Variants in CCSER1 observed in about 807,000 individuals in gnomAD.
CCSER1 encodes coiled-coil serine rich protein 1, also known as serine-rich coiled-coil domain-containing protein 1.
Under a neutral mutation model 82.0 loss-of-function variants are expected in CCSER1, and 41 were observed. The ratio of observed to expected loss-of-function variants is 0.50; its 90% CI spans 0.39 to 0.65. The LOEUF is 0.65. Ranked by LOEUF, CCSER1 falls within the 30% of genes least tolerant of loss-of-function variation. The probability of loss-of-function intolerance (pLI) is 0.00; values close to 1 mark genes in which losing one functional copy is unlikely to be tolerated. For synonymous variants in CCSER1, 414 were observed against 383.9 expected (o/e 1.08, Z -0.92); for missense variants, 1,119 against 1,064.2 (o/e 1.05, Z -0.72).
At chr4:90,393,082 T>C (rs1254273491) in intron 3 of CCSER1, among the ~76,000 whole-genome samples, 2 of 152,222 alleles carry the variant, frequency 1.3e-5, no homozygotes, top group African/African-American at 2.4e-5. Flanking sequence ...TATGTCTTGC[T>C]CTTGACTGTG....
At chr4:91,449,818 A>G (rs1303037038) in intron 10 of CCSER1, among the ~76,000 whole-genome samples, 2 of 152,074 alleles carry the variant, frequency 1.3e-5, no homozygotes. Flanking sequence ...CCTTTTTGGA[A>G]AAAGATAGAA....
chr4:90,373,834 G>A (rs1747868676), intron 3 of CCSER1, among the ~76,000 whole-genome samples: 1 of 152,186 alleles, frequency 6.6e-6, no homozygotes, highest in Admixed American at 6.5e-5. Context: ...GGACAAGTAT[G>A]TTTACTACCC....
chr4:90,622,512 T>C (rs1034710893), intron 5 of CCSER1, among the ~76,000 whole-genome samples: 6 of 152,128 alleles, frequency 3.9e-5, no homozygotes, highest in Admixed American at 1.3e-4. Context: ...AGTGAGAACA[T>C]GCGGTGTTTG....
At chr4:90,870,375 C>T (rs575736188) in intron 8 of CCSER1, among the ~76,000 whole-genome samples, 3 of 151,750 alleles carry the variant, frequency 2.0e-5, no homozygotes, top group Non-Finnish European at 4.4e-5. Flanking sequence ...CTTATTTACC[C>T]AGTTTTTTTA....
At chr4:91,135,560 A>T (rs1032947812) in intron 10 of CCSER1, among the ~76,000 whole-genome samples, 2 of 152,184 alleles carry the variant, frequency 1.3e-5, no homozygotes, top group African/African-American at 2.4e-5. Context: ...TTAACTTAGG[A>T]AATTCACACA....
rs752074028 is a variant in CCSER1, at chr4:90,308,554, A to G, written c.270A>G (p.Ser90=). 4 of 1,613,966 alleles carry G rather than the reference A, an allele frequency of 2.5e-6. No homozygotes were observed. The Admixed American group carries it at 6.7e-5, about 27-fold the overall frequency. ...QEPTNQNLSI[S]NGAQPGHSNM... is the part of the protein sequence containing the mutation. ...CTACCAACCAGAACCTTAGTATTTC[A>G]AATGGTGCTCAACCTGGTCACAGCA... Residue 90 remains serine, a synonymous_variant, in exon 2 of 11, where the codon TCA becomes TCG. Coordinates refer to ENST00000509176, the MANE Select transcript of CCSER1 (RefSeq NM_001145065.2).
chr4:91,437,265 TG>T (rs987465464), intron 10 of CCSER1, among the ~76,000 whole-genome samples: 1 of 152,162 alleles, frequency 6.6e-6, no homozygotes, highest in African/African-American at 2.4e-5. Context: ...TCTCATACCC[TG>T]GGGGAAGCAT....
chr4:90,835,285 G>C (rs1425101420), intron 8 of CCSER1, among the ~76,000 whole-genome samples: 2 of 152,098 alleles, frequency 1.3e-5, no homozygotes, highest in Non-Finnish European at 2.9e-5. Context: ...GAGCCGAGAT[G>C]ACGCCACTGC....
intron 5 of CCSER1, among the ~76,000 whole-genome samples, chr4:90,616,852 T>C (rs1388204187): frequency 6.6e-6 from 1 of 152,162 alleles, no homozygotes; most frequent in Non-Finnish European, 1.5e-5. Flanking sequence ...CTAATCAGTA[T>C]GTATTCATGG....
intron 4 of CCSER1, among the ~76,000 whole-genome samples, chr4:90,462,588 C>T (rs1763087580): frequency 6.7e-6 from 1 of 149,980 alleles, no homozygotes; most frequent in Non-Finnish European, 1.5e-5. Context: ...ACAAACAAAT[C>T]AGCCAGGTAT....
chr4:90,206,621 G>A (rs1364779911), intron 1 of CCSER1, among the ~76,000 whole-genome samples: 1 of 151,850 alleles, frequency 6.6e-6, no homozygotes, highest in Non-Finnish European at 1.5e-5. Context: ...CAATTATTTG[G>A]TCAATTTTAG....
intron 10 of CCSER1, among the ~76,000 whole-genome samples, chr4:91,480,622 C>A (rs1012079782): frequency 1.3e-5 from 2 of 152,196 alleles, no homozygotes; most frequent in Non-Finnish European, 2.9e-5. Context: ...TTTGCAAGAG[C>A]ACTTCACATA....
At chr4:90,839,025 G>A (rs985420415) in intron 8 of CCSER1, 1 of 1,612,414 alleles carries the variant, frequency 6.2e-7, no homozygotes, top group Non-Finnish European at 8.5e-7. Flanking sequence ...GCCATATCGG[G>A]TTTGTCAGAC....
At chr4:90,312,123 T>A (rs1453486791) in intron 2 of CCSER1, among the ~76,000 whole-genome samples, 5 of 152,196 alleles carry the variant, frequency 3.3e-5, no homozygotes, top group Admixed American at 2.6e-4. Flanking sequence ...GGAACTTAAA[T>A]AATAAGTCAT....
At chr4:90,153,194 G>A (rs1316382742) in intron 1 of CCSER1, among the ~76,000 whole-genome samples, 1 of 151,900 alleles carries the variant, frequency 6.6e-6, no homozygotes, top group Admixed American at 6.6e-5. Flanking sequence ...TTTCATCCAT[G>A]TCCCTACAAA....
rs145509410 is a variant in CCSER1 at position 91,264,657 on chromosome 4, C to T, written c.2217+178663C>T. 4.8e-4 allele frequency among the ~76,000 whole-genome samples: 73 copies of T among 152,056 alleles called. No individual in the cohort carries two copies. The East Asian group carries it at 0.011, about 22-fold the overall frequency. On this transcript the variant is annotated intron_variant, in intron 10 of 10. Transcript: ENST00000509176. ...CATTACCACTGTTATGTGTGGAGAA[C>T]ACTAAAAACAGTTTTTAAGTTTAAG... is the stretch of plus-strand genomic sequence containing the variant.
At chr4:90,482,512 G>A (rs1242784300) in intron 5 of CCSER1, among the ~76,000 whole-genome samples, 10 of 152,178 alleles carry the variant, frequency 6.6e-5, no homozygotes, top group African/African-American at 2.4e-4. Flanking sequence ...GGCATTTAGT[G>A]CTATACATTT....
chr4:91,450,296 G>GAA (rs1212533716), intron 10 of CCSER1, among the ~76,000 whole-genome samples: 1 of 151,336 alleles, frequency 6.6e-6, no homozygotes, highest in South Asian at 2.1e-4. Context: ...TCATTCATGG[G>GAA]AAAAAAAACC....
At chr4:91,376,425 G>A (rs1331556848) in intron 10 of CCSER1, among the ~76,000 whole-genome samples, 1 of 152,112 alleles carries the variant, frequency 6.6e-6, no homozygotes, top group Admixed American at 6.6e-5. Flanking sequence ...CTAAACACAG[G>A]AAAGGTACAG....
Sources: gnomAD v4.1 joint callset for allele counts (sites outside exome capture counted in the v4.1 genomes callset) on GRCh38, gnomAD v4.1.1 for gene constraint, MANE v1.5 for transcripts, NCBI Gene and HGNC (gene_info 2026-07-23, HGNC 2026-07-21) for gene names.